CERS1: variants seen among roughly 807,000 people sequenced by gnomAD.
The protein encoded by CERS1 is ceramide synthase 1, also known as Embryonic growth/differentiation factor 1.
CERS1 carries 16 observed loss-of-function variants against 35.7 expected under a neutral mutation model. The ratio of observed to expected loss-of-function variants is 0.45; its 90% CI spans 0.30 to 0.68. The LOEUF (loss-of-function observed/expected upper bound fraction) is 0.68, where lower values mean the gene tolerates loss of function less well. Ranked by LOEUF, CERS1 falls within the 30% of genes least tolerant of loss-of-function variation. The probability of loss-of-function intolerance (pLI) is 0.08; values close to 1 mark genes in which losing one functional copy is unlikely to be tolerated. For missense variants in CERS1, 454 were observed against 453.9 expected, an observed-to-expected ratio of 1.00 and a Z score of 0.00; for synonymous variants, 243 against 201.6, an observed-to-expected ratio of 1.21 and a Z score of -1.74.
intron 2 of CERS1, among the ~76,000 whole-genome samples, chr19:18,892,834 A>ATAC (rs2056525856): frequency 6.6e-6 from 1 of 152,030 alleles, no homozygotes; most frequent in Non-Finnish European, 1.5e-5. Context: ...GTCCCCAGGG[A>ATAC]TCACCTTTGT....
At chr19:18,877,825 G>A (rs1568296520) in intron 6 of CERS1, 1 of 206,730 alleles carries the variant, frequency 4.8e-6, no homozygotes, top group Non-Finnish European at 8.4e-6. Context: ...CCCTCAAAAG[G>A]AGGCTCCTAA....
In CERS1 at chr19:18,896,022, C is replaced by G; in HGVS notation, c.51G>C (p.Pro17=). ...CGCGCTGCACTAGCTGCGCGTAGCT[C>G]GGCATGGGCTCGGGCCCCGTCGGCC... The part of the protein sequence containing the change: ...AAGPTGPEPM[P]SYAQLVQRGW... Residue 17 remains proline (P), a synonymous_variant, in exon 1 of 8, where the codon CCG becomes CCC. Coordinates refer to ENST00000623882, the MANE Select transcript of CERS1 (RefSeq NM_021267.5). The surrounding 1 kb of genome is among the most constrained non-coding windows in gnomAD (Gnocchi z 5.9). The G allele has an allele frequency of 1.0e-6, 1 of 1,004,852 alleles. No homozygotes were observed. The highest frequency in any genetic ancestry group is 4.1e-5 in the South Asian group (1 of 24,236). 62.2% of individuals were successfully genotyped at this position (1,004,852 alleles called of 1,614,324 possible).
At position 18,868,880 on chromosome 19, in the gene CERS1, A is replaced by C; in HGVS notation, c.*1105T>G. ...CGCGATGACCCAGCGGTGCCAGCCCACCTCGCGGAAGCTCACGTACAGCCG... is the reference window on the plus strand; with the variant it reads ...CGCGATGACCCAGCGGTGCCAGCCCCCCTCGCGGAAGCTCACGTACAGCCG... On this transcript the variant is annotated 3_prime_UTR_variant, in exon 8 of 8. Transcript: ENST00000623882. The C allele has an allele frequency of 4.2e-6, 6 of 1,432,730 alleles. No individual in the cohort carries two copies. The highest frequency in any genetic ancestry group is 5.5e-6 in the Non-Finnish European group (6 of 1,085,692). The allele number at this position is 1,432,730 out of a possible 1,614,324, so 88.8% of individuals were successfully genotyped here.
At chr19:18,881,167 C>A (rs2056195951) in intron 3 of CERS1, among the ~76,000 whole-genome samples, 1 of 152,038 alleles carries the variant, frequency 6.6e-6, no homozygotes, top group South Asian at 2.1e-4. Context: ...GCAGCCTGGC[C>A]ATCGCTGCAG....
In CERS1 at chr19:18,868,679, G is replaced by C; in HGVS notation, c.*1306C>G. The C allele has an allele frequency of 6.4e-7, 1 of 1,571,026 alleles. No homozygotes were observed. Among genetic ancestry groups the C allele is most frequent in the Non-Finnish European group, 8.6e-7 (1 of 1,158,140 alleles). On this transcript the variant is annotated 3_prime_UTR_variant, in exon 8 of 8. Coordinates refer to ENST00000623882, the MANE Select transcript of CERS1 (RefSeq NM_021267.5). Reference sequence around the variant, plus strand: ...GTCGCTGTTGTCAAAGAAGAGCACGGAGATGGGCGACAGGCGCGCGGGCAC... The same window carrying C: ...GTCGCTGTTGTCAAAGAAGAGCACGCAGATGGGCGACAGGCGCGCGGGCAC...
In CERS1 at chr19:18,896,055, G is replaced by A; in HGVS notation, c.18C>T (p.Pro6=). 2.0e-6 allele frequency: 2 copies of A among 983,362 alleles called. No individual in the cohort carries two copies. The highest frequency in any genetic ancestry group is 9.1e-5 in the South Asian group (2 of 21,936). 60.9% of individuals were successfully genotyped at this position (983,362 alleles called of 1,614,324 possible). A position where few individuals can be genotyped will look rare whatever the true frequency, so the allele number is the denominator to read the frequency against. The change falls in exon 1 of 8, where the codon CCC becomes CCT. Residue 6 remains proline (P), a synonymous_variant. Coordinates refer to ENST00000623882, the MANE Select transcript of CERS1 (RefSeq NM_021267.5). This position sits in a 1 kb window ranked among gnomAD's most constrained non-coding sequence, Gnocchi z 5.9. ...GCTCGGGCCCCGTCGGCCCCGCCGC[G>A]GGCCCCGCCGCCGCCATACCGCCCG... The part of the protein sequence containing the change: MAAAG[P]AAGPTGPEPM...
intron 2 of CERS1, among the ~76,000 whole-genome samples, chr19:18,886,054 C>T (rs1008044852): frequency 3.7e-4 from 56 of 152,302 alleles, no homozygotes; most frequent in African/African-American, 1.3e-3. Context: ...CACCCCACCA[C>T]GTCCACCTCC....
At position 18,878,446 on chromosome 19, in the gene CERS1, T is replaced by C; in HGVS notation, c.1010+484A>G. The C allele has an allele frequency of 1.0e-6, 1 of 990,206 alleles. No homozygotes were observed. Among genetic ancestry groups the C allele is most frequent in the Non-Finnish European group, 1.2e-6 (1 of 832,658 alleles). 61.3% of individuals were successfully genotyped at this position (990,206 alleles called of 1,614,324 possible). A position where few individuals can be genotyped will look rare whatever the true frequency, so the allele number is the denominator to read the frequency against. ...CCCCAGCTCCTGTTTGGCCGGGCAG[T>C]GGGCTCCCCTGTCAAACTCAGAGGC... On this transcript the variant is annotated intron_variant, in intron 6 of 7. Coordinates refer to ENST00000623882, the MANE Select transcript of CERS1 (RefSeq NM_021267.5). The surrounding 1 kb of genome is among the most constrained non-coding windows in gnomAD (Gnocchi z 4.6).
At chr19:18,896,925 G>GGC (rs1555707701), upstream of CERS1, among the ~76,000 whole-genome samples, 1 of 27,920 alleles carries the variant, frequency 3.6e-5, no homozygotes, top group Non-Finnish European at 1.5e-4. This position sits in a 1 kb window ranked among gnomAD's most constrained non-coding sequence, Gnocchi z 5.9. Context: ...TGGGGAACCC[G>GGC]GGGGGGGGGC....
chr19:18,876,278 G>A (rs1433756776), intron 6 of CERS1, among the ~76,000 whole-genome samples: 2 of 152,048 alleles, frequency 1.3e-5, no homozygotes, highest in African/African-American at 2.4e-5. Context: ...GAGCCACCGC[G>A]CCTGGTCTTC....
rs1008969968 is a variant in CERS1 at position 18,868,840 on chromosome 19, C to T, written c.*1145G>A. The T allele has an allele frequency of 9.2e-5, 133 of 1,451,906 alleles. No homozygotes were observed. Among genetic ancestry groups the T allele is most frequent in the Non-Finnish European group, 1.1e-4 (123 of 1,093,672 alleles). 89.9% of individuals were successfully genotyped at this position (1,451,906 alleles called of 1,614,324 possible). ...CGCACTGACCCTGGCAGTAGTTGGC[C>T]AGGAAGCCGCGCGGCGCGATGACCC... is the stretch of plus-strand genomic sequence containing the variant. On this transcript the variant is annotated 3_prime_UTR_variant, in exon 8 of 8. Transcript: ENST00000623882.
chr19:18,869,457 G>A (rs2055921915), intron 7 of CERS1, 67 bp from the exon 8 acceptor site: 14 of 1,503,220 alleles, frequency 9.3e-6, no homozygotes, highest in Non-Finnish European at 1.2e-5. Flanking sequence ...GTCTCGGTTA[G>A]GGACAGGGAG....
chr19:18,887,103 C>T (rs577404389), intron 2 of CERS1, among the ~76,000 whole-genome samples: 5 of 152,290 alleles, frequency 3.3e-5, no homozygotes, highest in East Asian at 3.9e-4. Context: ...AGACACAACC[C>T]GAATGTGCAT....
In CERS1 at chr19:18,895,874, C is replaced by T; in HGVS notation, c.199G>A (p.Ala67Thr). 1.6e-6 allele frequency: 2 copies of T among 1,284,578 alleles called. No individual in the cohort carries two copies. The highest frequency in any genetic ancestry group is 9.8e-7 in the Non-Finnish European group (1 of 1,016,838). 79.6% of individuals were successfully genotyped at this position (1,284,578 alleles called of 1,614,324 possible). The change falls in exon 1 of 8, where the codon GCG (alanine) becomes ACG (threonine). Residue 67 changes from alanine to threonine, a missense_variant. Coordinates refer to ENST00000623882, the MANE Select transcript of CERS1 (RefSeq NM_021267.5). The surrounding 1 kb of genome is among the most constrained non-coding windows in gnomAD (Gnocchi z 6.4). ...GAGCGCAGGGCGGTCCAGCCCAGCG[C>T]GCCGAGCGCCAGCAGCAGCAGCTCG... ...PPELLLLALG[A>T]LGWTALRSAA...
chr19:18,879,092 C>G, intron 5 of CERS1, 53 bp from the exon 6 acceptor site: 1 of 1,600,092 alleles, frequency 6.2e-7, no homozygotes, highest in Non-Finnish European at 8.5e-7. Flanking sequence ...ACGCCACTGC[C>G]CTGCTGACAG....
intron 4 of CERS1, 117 bp from the exon 5 acceptor site, chr19:18,879,505 G>A: frequency 8.0e-7 from 1 of 1,249,088 alleles, no homozygotes; most frequent in East Asian, 2.6e-5. Flanking sequence ...GCCCACCTCT[G>A]CCCACCTGTT....
chr19:18,884,040 CTG>C, intron 3 of CERS1, 45 bp downstream of exon 3: 1 of 1,583,030 alleles, frequency 6.3e-7, no homozygotes, highest in Non-Finnish European at 8.6e-7. Context: ...CCTCCGCACT[CTG>C]TGTGGGCTGT....
intron 7 of CERS1, 109 bp from the exon 8 acceptor site, chr19:18,869,499 T>G: frequency 7.3e-7 from 1 of 1,361,492 alleles, no homozygotes; most frequent in Non-Finnish European, 9.6e-7. Flanking sequence ...GGGCGCACCG[T>G]CTGTGGGAAG....
intron 2 of CERS1, among the ~76,000 whole-genome samples, chr19:18,892,571 G>A (rs375967904): frequency 3.9e-5 from 6 of 151,960 alleles, no homozygotes; most frequent in South Asian, 2.1e-4. Flanking sequence ...CCGAGATCGC[G>A]CCACTGCACT....
Sources: allele counts gnomAD v4.1 joint callset (sites outside exome capture counted in the v4.1 genomes callset), GRCh38; gene constraint gnomAD v4.1.1; non-coding constraint Gnocchi (gnomAD v3.1); transcripts MANE v1.5; gene names NCBI Gene and HGNC (gene_info 2026-07-23, HGNC 2026-07-21).